The following PCDHGB3 variants were observed in gnomAD, a reference collection of about 807,000 sequenced individuals.
The protein encoded by PCDHGB3 is protocadherin gamma-B3.
In PCDHGB3, 40 loss-of-function variants were observed where a neutral mutation model predicts 59.2. The ratio of observed to expected loss-of-function variants is 0.68; its 90% CI spans 0.52 to 0.88. PCDHGB3 has a LOEUF of 0.88. PCDHGB3 is among the 40% of genes least tolerant of loss of function. PCDHGB3 has a pLI of 0.00. For synonymous variants in PCDHGB3, 581 were observed against 503.6 expected (o/e 1.15, Z -2.06); for missense variants, 1,309 against 1,187.9 (o/e 1.10, Z -1.50).
intron 1 of PCDHGB3, chr5:141,440,759 C>T (rs1160288117): frequency 1.3e-5 from 2 of 152,158 alleles, no homozygotes; most frequent in Admixed American, 6.6e-5. Flanking sequence ...AAGCAGAGCT[C>T]CCATCCCTTA....
At chr5:141,382,689 T>C in intron 1 of PCDHGB3, 3 of 445,878 alleles carry the variant, frequency 6.7e-6, no homozygotes, top group African/African-American at 2.0e-5. Flanking sequence ...CAGGGAAAAA[T>C]GGTGCGAGAG....
intron 1 of PCDHGB3, chr5:141,423,638 A>G (rs771989468): frequency 2.5e-6 from 4 of 1,598,292 alleles, no homozygotes; most frequent in Non-Finnish European, 3.4e-6. Context: ...ATTTTAGGCA[A>G]ATGTGACCCG....
chr5:141,390,855 A>G (rs941626765), intron 1 of PCDHGB3: 5 of 156,986 alleles, frequency 3.2e-5, no homozygotes, highest in African/African-American at 1.0e-4. Context: ...TATGCAGTGT[A>G]CGCTGTGTGT....
chr5:141,467,715 G>C (rs904101145), intron 1 of PCDHGB3, among the ~76,000 whole-genome samples: 1 of 152,022 alleles, frequency 6.6e-6, no homozygotes, highest in Non-Finnish European at 1.5e-5. Flanking sequence ...AGGCTGGAGT[G>C]TAGTGGCACA....
chr5:141,456,324 G>T (rs757059960), intron 1 of PCDHGB3, among the ~76,000 whole-genome samples: 15 of 152,166 alleles, frequency 9.9e-5, no homozygotes, highest in Non-Finnish European at 2.9e-5. Context: ...TCCTCCTGGG[G>T]TTGATCTAAG....
At chr5:141,376,267 G>C (rs1021502624) in intron 1 of PCDHGB3, 2 of 1,614,092 alleles carry the variant, frequency 1.2e-6, no homozygotes, top group African/African-American at 2.7e-5. Context: ...TGCAGGCTTC[G>C]GGAGGTGGCT....
chr5:141,374,469 A>C (rs1770516740), intron 1 of PCDHGB3: 1 of 1,612,580 alleles, frequency 6.2e-7, no homozygotes, highest in Admixed American at 1.7e-5. Context: ...ATTAATGACA[A>C]TACACCCCGA....
intron 3 of PCDHGB3, among the ~76,000 whole-genome samples, chr5:141,509,880 T>C (rs1475661741): frequency 6.6e-6 from 1 of 152,184 alleles, no homozygotes; most frequent in African/African-American, 2.4e-5. Flanking sequence ...CTGGTGGTGA[T>C]GGTGACTGAC....
At chr5:141,395,992 T>G (rs915228194) in intron 1 of PCDHGB3, 3 of 152,184 alleles carry the variant, frequency 2.0e-5, no homozygotes, top group African/African-American at 7.2e-5. Context: ...TAAAATGTAA[T>G]TTTAAACTGT....
At chr5:141,372,987 A>T (rs1769224200) in intron 1 of PCDHGB3, 178 bp downstream of exon 1, 5 of 640,814 alleles carry the variant, frequency 7.8e-6, no homozygotes, top group Non-Finnish European at 1.0e-5. Flanking sequence ...TCTGTGTTGC[A>T]GTTGTTCTTT....
In PCDHGB3 at chr5:141,486,610, C is replaced by G; in HGVS notation, c.2416-8197C>G. 6.2e-7 allele frequency: 1 copy of G among 1,613,620 alleles called. No homozygotes were observed. The highest frequency in any genetic ancestry group is 8.5e-7 in the Non-Finnish European group (1 of 1,180,038). On this transcript the variant is annotated intron_variant, in intron 1 of 3. Coordinates refer to ENST00000576222, the MANE Select transcript of PCDHGB3 (RefSeq NM_018924.5). This position sits in a 1 kb window ranked among gnomAD's most constrained non-coding sequence, Gnocchi z 5.0. ...GGGACCTGCTTTGCTCCCTTGCAGC[C>G]TCTGACCCAGACTCTGGCTTGAATG...
Position 141,420,946 on chromosome 5 carries a change from A to G in PCDHGB3, c.2415+48137A>G, listed in dbSNP as rs1561791007. 5 of 400,268 alleles carry G rather than the reference A, an allele frequency of 1.2e-5. No homozygotes were observed. In the East Asian group the frequency reaches 1.7e-4, roughly 14 times the overall value. The allele number at this position is 400,268 out of a possible 1,614,324, so 24.8% of individuals were successfully genotyped here. A position where few individuals can be genotyped will look rare whatever the true frequency, so the allele number is the denominator to read the frequency against. ...AGGTGAGCGTAATCATTTCTTCTGG[A>G]ATTTCTTAGTCGTTGCAATAATAAG... On this transcript the variant is annotated intron_variant, in intron 1 of 3. Coordinates refer to ENST00000576222, the MANE Select transcript of PCDHGB3 (RefSeq NM_018924.5).
intron 1 of PCDHGB3, among the ~76,000 whole-genome samples, chr5:141,462,868 T>C (rs1232965498): frequency 6.6e-6 from 1 of 152,228 alleles, no homozygotes; most frequent in East Asian, 1.9e-4. Context: ...TTTGTCTTTC[T>C]TTAAGAACTA....
Position 141,476,838 on chromosome 5 carries a change from C to T in PCDHGB3, c.2416-17969C>T, listed in dbSNP as rs1347278637. 2.5e-6 allele frequency: 4 copies of T among 1,613,496 alleles called. No individual in the cohort carries two copies. Among genetic ancestry groups the T allele is most frequent in the Non-Finnish European group, 3.4e-6 (4 of 1,180,054 alleles). ...AAGGTGCTGGACGCGAATGACAATG[C>T]GCCTGTCTTCAACCAGTCCTTGTAC... On this transcript the variant is annotated intron_variant, in intron 1 of 3. Transcript: ENST00000576222. This position sits in a 1 kb window ranked among gnomAD's most constrained non-coding sequence, Gnocchi z 7.6.
In PCDHGB3 at chr5:141,431,028, T is replaced by C. The variant is rs367575636; in HGVS notation, c.2415+58219T>C. On this transcript the variant is annotated intron_variant, in intron 1 of 3. Transcript: ENST00000576222. This position sits in a 1 kb window ranked among gnomAD's most constrained non-coding sequence, Gnocchi z 4.8. ...GGCAGCTTGGTCACGGCGGGCAGGA[T>C]AGACCGGGAGGAGCTCTGTATGGGG... The C allele has an allele frequency of 6.2e-7, 1 of 1,613,986 alleles. No homozygotes were observed. Among genetic ancestry groups the C allele is most frequent in the Admixed American group, 1.7e-5 (1 of 60,022 alleles).
At chr5:141,392,280 GCA>G (rs1460323134) in intron 1 of PCDHGB3, 2 of 152,190 alleles carry the variant, frequency 1.3e-5, no homozygotes, top group East Asian at 3.8e-4. Flanking sequence ...AAAGCTTAGA[GCA>G]CAATGGGAAA....
intron 1 of PCDHGB3, chr5:141,422,560 G>T (rs2096656228): frequency 6.2e-7 from 1 of 1,614,032 alleles, no homozygotes; most frequent in East Asian, 2.2e-5. Context: ...GAATGTGGCA[G>T]ATGACAACGA....
intron 1 of PCDHGB3, among the ~76,000 whole-genome samples, chr5:141,450,005 T>A (rs1439257597): frequency 1.0e-5 from 1 of 99,604 alleles, no homozygotes; most frequent in Non-Finnish European, 1.8e-5. Context: ...TTGCCATGTC[T>A]CTTTTTTTTT....
rs543116266 is a variant in PCDHGB3 at position 141,474,428 on chromosome 5, C to A, written c.2416-20379C>A. 3.9e-5 allele frequency among the ~76,000 whole-genome samples: 6 copies of A among 152,346 alleles called. 1 individual carries two copies. In the South Asian group the frequency reaches 1.0e-3, roughly 26 times the overall value. On this transcript the variant is annotated intron_variant, in intron 1 of 3. Coordinates refer to ENST00000576222, the MANE Select transcript of PCDHGB3 (RefSeq NM_018924.5). ...CGGTGATGCCTAGACCATTGGTCCT[C>A]ACACTTTGAGTAGCAAGTGATTGGG...
Sources: gnomAD v4.1 joint callset for allele counts (sites outside exome capture counted in the v4.1 genomes callset) on GRCh38, gnomAD v4.1.1 for gene constraint, Gnocchi (gnomAD v3.1) non-coding constraint, MANE v1.5 for transcripts, NCBI Gene and HGNC (gene_info 2026-07-23, HGNC 2026-07-21) for gene names.